C8orf34: variants seen among roughly 807,000 people sequenced by gnomAD.
C8orf34 encodes chromosome 8 open reading frame 34, also known as uncharacterized protein C8orf34.
Under a neutral mutation model 68.3 loss-of-function variants are expected in C8orf34, and 65 were observed. That is an observed-to-expected ratio of 0.95 (90% confidence interval 0.78 to 1.17). The LOEUF is 1.17. C8orf34 is among the 50% of genes most tolerant of loss of function. The probability of loss-of-function intolerance (pLI) is 0.00; values close to 1 mark genes in which losing one functional copy is unlikely to be tolerated. For synonymous variants in C8orf34, 244 were observed against 241.2 expected (o/e 1.01, Z -0.11); for missense variants, 664 against 655.4 (o/e 1.01, Z -0.14).
chr8:68,539,077 T>TTTGAAGC (rs1473697068), intron 7 of C8orf34, among the ~76,000 whole-genome samples: 1 of 152,186 alleles, frequency 6.6e-6, no homozygotes, highest in African/African-American at 2.4e-5. Flanking sequence ...TATGAAAATG[T>TTTGAAGC]TTGAAGCAGC....
chr8:68,399,631 G>C (rs188533341), intron 1 of C8orf34, among the ~76,000 whole-genome samples: 11 of 152,106 alleles, frequency 7.2e-5, no homozygotes, highest in Non-Finnish European at 1.2e-4. Flanking sequence ...ATGAGAGCAG[G>C]TACCTTCTTG....
intron 7 of C8orf34, among the ~76,000 whole-genome samples, chr8:68,589,264 T>C (rs966075156): frequency 6.6e-6 from 1 of 152,184 alleles, no homozygotes; most frequent in African/African-American, 2.4e-5. Flanking sequence ...GCTATTCCTT[T>C]CTTTCATATT....
intron 7 of C8orf34, among the ~76,000 whole-genome samples, chr8:68,542,482 A>T (rs1357873225): frequency 3.3e-5 from 5 of 152,020 alleles, no homozygotes; most frequent in Admixed American, 2.0e-4. Context: ...CACAGTTAGC[A>T]TTGGTAATAT....
intron 10 of C8orf34, among the ~76,000 whole-genome samples, chr8:68,728,518 C>T (rs528104831): frequency 1.2e-4 from 19 of 152,258 alleles, no homozygotes; most frequent in East Asian, 1.9e-4. Flanking sequence ...TCTGTTTTCA[C>T]GCTGCTGATA....
At chr8:68,338,424 C>T (rs1245941307) in intron 1 of C8orf34, among the ~76,000 whole-genome samples, 1 of 152,092 alleles carries the variant, frequency 6.6e-6, no homozygotes, top group Non-Finnish European at 1.5e-5. Flanking sequence ...CCTCATATGC[C>T]CTTCCTACTG....
intron 7 of C8orf34, among the ~76,000 whole-genome samples, chr8:68,586,974 G>A (rs1817228260): frequency 6.6e-6 from 1 of 152,008 alleles, no homozygotes; most frequent in South Asian, 2.1e-4. Flanking sequence ...ACTCTCTATG[G>A]TCTGCTAAGT....
At chr8:68,729,456 C>A (rs892150098) in intron 10 of C8orf34, among the ~76,000 whole-genome samples, 2 of 152,150 alleles carry the variant, frequency 1.3e-5, no homozygotes, top group South Asian at 2.1e-4. Flanking sequence ...CCTTTTATTT[C>A]TTTCCTCCAG....
intron 10 of C8orf34, among the ~76,000 whole-genome samples, chr8:68,743,802 G>C (rs930507150): frequency 1.3e-5 from 2 of 152,198 alleles, no homozygotes; most frequent in Non-Finnish European, 2.9e-5. Context: ...CAGCAAGGCT[G>C]GGGGAGGGGC....
chr8:68,543,820 G>A (rs776030060), intron 7 of C8orf34, among the ~76,000 whole-genome samples: 30 of 152,154 alleles, frequency 2.0e-4, no homozygotes, highest in Non-Finnish European at 2.2e-4. Context: ...ATAACTGGCT[G>A]TAACCCTCCA....
At chr8:68,612,692 G>C (rs934275158) in intron 7 of C8orf34, among the ~76,000 whole-genome samples, 74 of 152,160 alleles carry the variant, frequency 4.9e-4, no homozygotes, top group Middle Eastern at 6.8e-3. Flanking sequence ...TATAGTTACT[G>C]ATTTTTAGAA....
At chr8:68,535,530 G>GAT (rs1461022007) in intron 7 of C8orf34, 89 of 919,092 alleles carry the variant, frequency 9.7e-5, no homozygotes, top group Non-Finnish European at 1.1e-4. Context: ...AATCCTTTTA[G>GAT]TTGAACTAGT....
At chr8:68,364,800 T>C (rs1421831373) in intron 1 of C8orf34, among the ~76,000 whole-genome samples, 1 of 148,286 alleles carries the variant, frequency 6.7e-6, no homozygotes, top group African/African-American at 2.5e-5. Context: ...GCAGGAAAGA[T>C]CCAAAATTGA....
At chr8:68,485,536 A>G (rs1251693446) in intron 4 of C8orf34, among the ~76,000 whole-genome samples, 1 of 151,828 alleles carries the variant, frequency 6.6e-6, no homozygotes, top group East Asian at 1.9e-4. Context: ...ACATGGTGAA[A>G]CCCCGTCTCT....
intron 5 of C8orf34, among the ~76,000 whole-genome samples, chr8:68,494,162 A>G (rs1813425565): frequency 6.6e-6 from 1 of 152,252 alleles, no homozygotes; most frequent in Non-Finnish European, 1.5e-5. Flanking sequence ...CAGTATATAC[A>G]TATATACATA....
intron 8 of C8orf34, among the ~76,000 whole-genome samples, chr8:68,708,253 T>G (rs925344231): frequency 2.6e-4 from 40 of 152,206 alleles, no homozygotes; most frequent in African/African-American, 8.9e-4. Flanking sequence ...TGTTTGTAAT[T>G]ATACAAAAGA....
chr8:68,815,993 AC>A (rs750302694), intron 13 of C8orf34, 48 bp downstream of exon 13: 22 of 1,612,852 alleles, frequency 1.4e-5, no homozygotes, highest in Non-Finnish European at 1.9e-5. Context: ...AATGGCGGGT[AC>A]CTTCTAAAAC....
chr8:68,628,651 A>G (rs1335952783), intron 7 of C8orf34, among the ~76,000 whole-genome samples: 1 of 152,198 alleles, frequency 6.6e-6, no homozygotes, highest in Non-Finnish European at 1.5e-5. Flanking sequence ...AAAAACTGCC[A>G]TAAAATTCTT....
chr8:68,443,599 G>A (rs1386147808), intron 2 of C8orf34, among the ~76,000 whole-genome samples: 3 of 151,808 alleles, frequency 2.0e-5, no homozygotes, highest in African/African-American at 7.3e-5. Context: ...GTAGAGATGG[G>A]GTTTCACCAT....
At chr8:68,685,559 G>T (rs1820489169) in intron 8 of C8orf34, among the ~76,000 whole-genome samples, 1 of 152,004 alleles carries the variant, frequency 6.6e-6, no homozygotes, top group Admixed American at 6.6e-5. Context: ...GCTTTAAAAA[G>T]CATGTTGATC....
Sources: allele counts gnomAD v4.1 joint callset (sites outside exome capture counted in the v4.1 genomes callset), GRCh38; gene constraint gnomAD v4.1.1; transcripts MANE v1.5; gene names NCBI Gene and HGNC (gene_info 2026-07-23, HGNC 2026-07-21).